The following NRP1 variants were observed in gnomAD, a reference collection of about 807,000 sequenced individuals.
The protein encoded by NRP1 is neuropilin 1.
In NRP1, 35 loss-of-function variants were observed where a neutral mutation model predicts 106.7. The ratio of observed to expected loss-of-function variants is 0.33; its 90% CI spans 0.25 to 0.43. The LOEUF is 0.43. Among genes scored for constraint, NRP1 ranks in the 20% least tolerant of loss-of-function variants. NRP1 has a pLI of 1.00. For missense variants in NRP1, 1,024 were observed against 1,170.4 expected, an observed-to-expected ratio of 0.87 and a Z score of 1.83; for synonymous variants, 437 against 417.9, an observed-to-expected ratio of 1.05 and a Z score of -0.56.
At position 33,179,724 on chromosome 10, in the gene NRP1, C is replaced by CAG. The variant is rs2132558978; in HGVS notation, c.*351_*352insCT. The CAG allele has an allele frequency of 4.2e-6, 1 of 237,718 alleles. No individual in the cohort carries two copies. The highest frequency in any genetic ancestry group is 2.2e-5 in the African/African-American group (1 of 44,728). 14.7% of individuals were successfully genotyped at this position (237,718 alleles called of 1,614,324 possible). A position where few individuals can be genotyped will look rare whatever the true frequency, so the allele number is the denominator to read the frequency against. Reference sequence around the variant, plus strand: ...CACGGAATACGCTTGGTGCCAGCATCTTGGATTTCGCTCAGTTTCCAAAAA... The same window carrying CAG: ...CACGGAATACGCTTGGTGCCAGCATCAGTTGGATTTCGCTCAGTTTCCAAAAA... On this transcript the variant is annotated 3_prime_UTR_variant, in exon 17 of 17. Transcript: ENST00000374867.
chr10:33,222,540 A>T (rs868581099), intron 7 of NRP1, among the ~76,000 whole-genome samples: 2 of 109,822 alleles, frequency 1.8e-5, no homozygotes, highest in African/African-American at 6.5e-5. Flanking sequence ...TATTTATTTA[A>T]GATGGAGTCT....
intron 4 of NRP1, among the ~76,000 whole-genome samples, chr10:33,258,748 A>C (rs1401555175): frequency 3.3e-5 from 5 of 152,136 alleles, no homozygotes; most frequent in Admixed American, 6.6e-5. Context: ...GTAGTAATGC[A>C]ACACTTTTTT....
rs150223292 is a variant in NRP1 at position 33,322,099 on chromosome 10, T to A, written c.248+8609A>T. Among the ~76,000 whole-genome samples, 1,427 of 152,142 alleles carry A rather than the reference T, an allele frequency of 9.4e-3. 15 individuals carry two copies. Among genetic ancestry groups the A allele is most frequent in the African/African-American group, 0.032 (1,342 of 41,496 alleles). Reference sequence around the variant, plus strand: ...GTGGGAGAAGAACACTTCCCTGCTATTTACCTGAGATTAAGTAGATGACCA... The same window carrying A: ...GTGGGAGAAGAACACTTCCCTGCTAATTACCTGAGATTAAGTAGATGACCA... On this transcript the variant is annotated intron_variant, in intron 2 of 16. Transcript: ENST00000374867.
intron 3 of NRP1, among the ~76,000 whole-genome samples, chr10:33,268,687 TG>T (rs906950768): frequency 2.6e-5 from 4 of 152,244 alleles, no homozygotes; most frequent in Admixed American, 2.0e-4. Context: ...CTGACACCTT[TG>T]TCTTTGATAG....
Position 33,256,583 on chromosome 10 carries a change from C to T in NRP1, c.659-112G>A, listed in dbSNP as rs1169485207. Reference sequence around the variant, plus strand: ...GTAGAACCCAGAAGTGTTTTCTAACCCAAAGCAAGGCTTCCCTAAGTTAAT... The same window carrying T: ...GTAGAACCCAGAAGTGTTTTCTAACTCAAAGCAAGGCTTCCCTAAGTTAAT... On this transcript the variant is annotated intron_variant, in intron 4 of 16. Transcript: ENST00000374867. The T allele has an allele frequency of 4.3e-6, 5 of 1,166,126 alleles. No homozygotes were observed. The East Asian group carries it at 1.2e-4, about 29-fold the overall frequency. The allele number at this position is 1,166,126 out of a possible 1,614,324, so 72.2% of individuals were successfully genotyped here. A position where few individuals can be genotyped will look rare whatever the true frequency, so the allele number is the denominator to read the frequency against.
At chr10:33,322,667 G>GCCA (rs1414407422) in intron 2 of NRP1, among the ~76,000 whole-genome samples, 1 of 152,170 alleles carries the variant, frequency 6.6e-6, no homozygotes, top group Non-Finnish European at 1.5e-5. Context: ...ACAGACCTGA[G>GCCA]CCACCACTCT....
At chr10:33,262,700 T>C (rs539146801) in intron 4 of NRP1, among the ~76,000 whole-genome samples, 11 of 99,188 alleles carry the variant, frequency 1.1e-4, no homozygotes, top group Middle Eastern at 4.9e-3. Context: ...CAAAACTCTG[T>C]CTCAAAAAAA....
chr10:33,207,577 A>T lies in NRP1; in HGVS notation c.1754T>A (p.Val585Glu). The change falls in exon 10 of 17, where the codon GTG becomes GAG. Residue 585 changes from valine (V) to glutamate (E), a missense_variant. By Grantham distance (121) the Val-to-Glu change is moderately radical. Around this residue, in one of 5 missense-constraint regions of NRP1, gnomAD observed 562 missense variants for 620.3 expected, o/e 0.91. Transcript: ENST00000374867. ...ACTCTGGAGATCATAATTACCTTCC[A>T]CTTCACAGCCCAGCAGCTCCATTCT... ...GLRMELLGCE[V>E]EAPTAGPTTP... 2 of 1,614,100 alleles carry T rather than the reference A, an allele frequency of 1.2e-6. No homozygotes were observed. The highest frequency in any genetic ancestry group is 2.2e-5 in the South Asian group (2 of 91,056).
chr10:33,207,753 A>AAG (rs74656391), intron 9 of NRP1, 37 bp from the exon 10 acceptor site: 275,752 of 1,598,004 alleles, frequency 0.17, 24,580 homozygotes, highest in Middle Eastern at 0.26. Flanking sequence ...TTAAGGAAAA[A>AAG]AAAAAACAGA....
chr10:33,214,088 A>G (rs1163732245), intron 8 of NRP1, among the ~76,000 whole-genome samples: 1 of 152,238 alleles, frequency 6.6e-6, no homozygotes. Flanking sequence ...AGATATGCAT[A>G]GAAGTCAATC....
At chr10:33,193,920 A>C (rs542601986) in intron 12 of NRP1, among the ~76,000 whole-genome samples, 16 of 152,340 alleles carry the variant, frequency 1.1e-4, no homozygotes, top group African/African-American at 3.8e-4. Context: ...TCCCAATGAT[A>C]ATGTGACCTC....
rs1379088772 is a variant in NRP1, at chr10:33,179,810, T to A, written c.*266A>T. ...GGCAGGAGGGGTCGAAATGAATGAT[T>A]ATGTCAATCATACTTGGTCTCAACA... On this transcript the variant is annotated 3_prime_UTR_variant, in exon 17 of 17. Coordinates refer to ENST00000374867, the MANE Select transcript of NRP1 (RefSeq NM_003873.7). 4.5e-6 allele frequency: 2 copies of A among 447,400 alleles called. No individual in the cohort carries two copies. Among genetic ancestry groups the A allele is most frequent in the African/African-American group, 3.9e-5 (2 of 50,704 alleles). 27.7% of individuals were successfully genotyped at this position (447,400 alleles called of 1,614,324 possible).
At chr10:33,328,271 A>G (rs1346924489) in intron 2 of NRP1, among the ~76,000 whole-genome samples, 6 of 151,694 alleles carry the variant, frequency 4.0e-5, no homozygotes, top group Non-Finnish European at 5.9e-5. Context: ...TGATATGACA[A>G]ATCATTATTT....
intron 6 of NRP1, among the ~76,000 whole-genome samples, chr10:33,232,888 T>G (rs968798701): frequency 2.0e-5 from 3 of 152,094 alleles, no homozygotes; most frequent in African/African-American, 7.2e-5. Context: ...CCTCAAGTGA[T>G]CTGCCCGCCT....
At chr10:33,248,956 A>G (rs1841628156) in intron 6 of NRP1, among the ~76,000 whole-genome samples, 1 of 152,202 alleles carries the variant, frequency 6.6e-6, no homozygotes, top group Admixed American at 6.5e-5. Flanking sequence ...GGAGAAGAGT[A>G]GTTTCAGCCC....
chr10:33,223,376 T>G (rs1839408673), intron 7 of NRP1, among the ~76,000 whole-genome samples: 1 of 151,982 alleles, frequency 6.6e-6, no homozygotes, highest in African/African-American at 2.4e-5. Flanking sequence ...ATTCCAAAAC[T>G]TTAGGAGGCC....
At chr10:33,303,902 T>C (rs977271536) in intron 2 of NRP1, among the ~76,000 whole-genome samples, 2 of 152,236 alleles carry the variant, frequency 1.3e-5, no homozygotes, top group East Asian at 3.8e-4. Flanking sequence ...GCATATGATA[T>C]ACACTGATAT....
intron 14 of NRP1, 68 bp from the exon 15 acceptor site, chr10:33,185,792 T>C: frequency 7.5e-7 from 1 of 1,326,370 alleles, no homozygotes; most frequent in South Asian, 1.2e-5. Flanking sequence ...TACAAATGCT[T>C]GTTCAGCTCC....
Position 33,186,505 on chromosome 10 carries a change from C to CTGTGG in NRP1, c.2063-18_2063-17insCCACA. 6.2e-7 allele frequency: 1 copy of CTGTGG among 1,602,190 alleles called. No individual in the cohort carries two copies. Among genetic ancestry groups the CTGTGG allele is most frequent in the Non-Finnish European group, 8.5e-7 (1 of 1,173,122 alleles). On this transcript the variant is annotated splice_polypyrimidine_tract_variant and intron_variant, in intron 13 of 16. Transcript: ENST00000374867. ...TGCCATCTCCTGCTGTGACAAAGAA[C>CTGTGG]TGTGTTAGGGAGAGTGGCCAGGATT...
Sources: gnomAD v4.1 joint callset for allele counts (sites outside exome capture counted in the v4.1 genomes callset) on GRCh38, gnomAD v4.1.1 for gene constraint, gnomAD v4.1.1 regional missense constraint, MANE v1.5 for transcripts, NCBI Gene and HGNC (gene_info 2026-07-23, HGNC 2026-07-21) for gene names.